The following ITSN1 variants were observed in gnomAD, a reference collection of about 807,000 sequenced individuals.
ITSN1 encodes the protein intersectin-1.
In ITSN1, 58 loss-of-function variants were observed where a neutral mutation model predicts 239.8. That is an observed-to-expected ratio of 0.24 (90% CI 0.20 to 0.30). The LOEUF is 0.30. ITSN1 is among the 10% of genes least tolerant of loss of function. The pLI is 1.00. For missense variants in ITSN1, 1,558 were observed against 2,103.3 expected (o/e 0.74, Z 5.07); for synonymous variants, 780 against 770.8 (o/e 1.01, Z -0.20).
In ITSN1 at chr21:33,894,531, C is replaced by G. The variant is rs539045806; in HGVS notation, c.*6231C>G. Reference sequence around the variant, plus strand: ...AGATAAAGCTGTGTTCAGAAGTGGACTTTTTGGTCAGCCTTGAAAAAAAAA... The same window carrying G: ...AGATAAAGCTGTGTTCAGAAGTGGAGTTTTTGGTCAGCCTTGAAAAAAAAA... On this transcript the variant is annotated 3_prime_UTR_variant, in exon 40 of 40. Coordinates refer to ENST00000381318, the MANE Select transcript of ITSN1 (RefSeq NM_003024.3). 7.7e-4 allele frequency: 117 copies of G among 151,298 alleles called. No homozygotes were observed. Among genetic ancestry groups the G allele is most frequent in the African/African-American group, 2.8e-3 (116 of 41,098 alleles). The allele number at this position is 151,298 out of a possible 1,614,324, so 9.4% of individuals were successfully genotyped here. A position where few individuals can be genotyped will look rare whatever the true frequency, so the allele number is the denominator to read the frequency against.
intron 1 of ITSN1, among the ~76,000 whole-genome samples, chr21:33,648,030 T>A (rs2088137899): frequency 6.6e-6 from 1 of 152,226 alleles, no homozygotes; most frequent in Non-Finnish European, 1.5e-5. Context: ...TTAGAAAGAT[T>A]GTATCATTTT....
At chr21:33,859,155 G>A (rs926603835) in intron 31 of ITSN1, among the ~76,000 whole-genome samples, 1 of 152,186 alleles carries the variant, frequency 6.6e-6, no homozygotes, top group African/African-American at 2.4e-5. Flanking sequence ...GGGATCCCAT[G>A]GGGGATTATT....
chr21:33,820,136 TA>T (rs879562955), intron 24 of ITSN1, among the ~76,000 whole-genome samples: 5,783 of 145,468 alleles, frequency 0.04, 321 homozygotes, highest in African/African-American at 0.13. Context: ...AATTTAGGAC[TA>T]AAAAAAAAAA....
chr21:33,868,388 C>T (rs1982072828), intron 33 of ITSN1, among the ~76,000 whole-genome samples: 1 of 152,238 alleles, frequency 6.6e-6, no homozygotes, highest in African/African-American at 2.4e-5. Context: ...GTCGGGGAGG[C>T]TCGGGCTGCA....
At chr21:33,840,969 G>A (rs181531566) in intron 29 of ITSN1, among the ~76,000 whole-genome samples, 7 of 152,120 alleles carry the variant, frequency 4.6e-5, no homozygotes, top group Non-Finnish European at 7.4e-5. Context: ...TCCTCTGGCC[G>A]GCTGCCTCTC....
chr21:33,772,974 T>C (rs549673551), intron 12 of ITSN1, among the ~76,000 whole-genome samples: 1 of 151,948 alleles, frequency 6.6e-6, no homozygotes, highest in South Asian at 2.1e-4. Context: ...AATAGTATCA[T>C]ACCAATTACA....
At chr21:33,676,488 A>G (rs2090600969) in intron 1 of ITSN1, among the ~76,000 whole-genome samples, 1 of 152,114 alleles carries the variant, frequency 6.6e-6, no homozygotes, top group South Asian at 2.1e-4. Flanking sequence ...TCAGCCTTTC[A>G]AAGCGCTGGG....
Position 33,834,439 on chromosome 21 carries a change from A to G in ITSN1, c.3469+15A>G, listed in dbSNP as rs543932995. Reference sequence around the variant, plus strand: ...ATTAGCGGCAGGTAAGGAGTTTCGCATCTCTAACTGGAAGATGGTCTGCAT... The same window carrying G: ...ATTAGCGGCAGGTAAGGAGTTTCGCGTCTCTAACTGGAAGATGGTCTGCAT... On this transcript the variant is annotated intron_variant, in intron 28 of 39. Transcript: ENST00000381318. 1.7e-5 allele frequency: 26 copies of G among 1,538,620 alleles called. No individual in the cohort carries two copies. The Admixed American group carries it at 4.5e-4, about 27-fold the overall frequency.
chr21:33,723,201 G>A (rs2065605500), intron 4 of ITSN1, among the ~76,000 whole-genome samples: 1 of 152,174 alleles, frequency 6.6e-6, no homozygotes, highest in Middle Eastern at 3.2e-3. Context: ...TTGGCTCATG[G>A]CTTTGGAGAG....
At chr21:33,857,360 C>G (rs1403039188) in intron 30 of ITSN1, among the ~76,000 whole-genome samples, 1 of 152,224 alleles carries the variant, frequency 6.6e-6, no homozygotes, top group Admixed American at 6.5e-5. Flanking sequence ...AAGCCCCTGA[C>G]CTGAGTGATG....
At chr21:33,643,929 G>GA (rs2087691420) in intron 1 of ITSN1, 1 of 152,280 alleles carries the variant, frequency 6.6e-6, no homozygotes, top group Non-Finnish European at 1.5e-5. Flanking sequence ...TGGAACGGAT[G>GA]AAAAGAAAGG....
chr21:33,707,323 A>G (rs1027922146), intron 1 of ITSN1, among the ~76,000 whole-genome samples: 2 of 151,958 alleles, frequency 1.3e-5, no homozygotes, highest in Non-Finnish European at 2.9e-5. Flanking sequence ...GGGGGGTCTC[A>G]CTATGTTGCC....
chr21:33,663,070 G>A lies in ITSN1; in HGVS notation c.-33+20357G>A, dbSNP rs2089679415. ...TTTCATCAGTATAGACACATCTCAG[G>A]CATTAGTCTACCTTGCCTAGAAGGA... On this transcript the variant is annotated intron_variant, in intron 1 of 39. Coordinates refer to ENST00000381318, the MANE Select transcript of ITSN1 (RefSeq NM_003024.3). Among the ~76,000 whole-genome samples the A allele has an allele frequency of 5.3e-5, 8 of 152,248 alleles. No homozygotes were observed. The South Asian group carries it at 1.5e-3, about 28-fold the overall frequency.
chr21:33,819,594 G>A (rs1353924936), intron 24 of ITSN1, among the ~76,000 whole-genome samples: 1 of 152,132 alleles, frequency 6.6e-6, no homozygotes, highest in African/African-American at 2.4e-5. Context: ...ACTAAGAATC[G>A]AGTTTTCCGA....
At chr21:33,868,418 G>T (rs1279425060) in intron 33 of ITSN1, among the ~76,000 whole-genome samples, 1 of 152,186 alleles carries the variant, frequency 6.6e-6, no homozygotes, top group Non-Finnish European at 1.5e-5. Context: ...ACGGAGGCAG[G>T]GGAAGGCTCA....
At chr21:33,829,802 C>A in intron 27 of ITSN1, 57 bp downstream of exon 27, 1 of 1,592,376 alleles carries the variant, frequency 6.3e-7, no homozygotes, top group South Asian at 1.1e-5. Context: ...TACACAAAAT[C>A]TCAAAGGGAC....
At position 33,882,545 on chromosome 21, in the gene ITSN1, CA is replaced by C; in HGVS notation, c.4554+91del. The C allele has an allele frequency of 2.7e-6, 3 of 1,122,670 alleles. No homozygotes were observed. The highest frequency in any genetic ancestry group is 3.9e-6 in the Non-Finnish European group (3 of 778,712). The allele number at this position is 1,122,670 out of a possible 1,614,324, so 69.5% of individuals were successfully genotyped here. On this transcript the variant is annotated intron_variant, in intron 35 of 39. Coordinates refer to ENST00000381318, the MANE Select transcript of ITSN1 (RefSeq NM_003024.3). This position sits in a 1 kb window ranked among gnomAD's most constrained non-coding sequence, Gnocchi z 4.5. ...AAAGGAGGTAGAGTTTTAGCAGGGT[CA>C]GGGGCTGTGGCATGCAGGAGAAGGC...
intron 3 of ITSN1, among the ~76,000 whole-genome samples, chr21:33,722,299 C>T (rs1300901776): frequency 1.3e-5 from 2 of 152,168 alleles, no homozygotes; most frequent in Non-Finnish European, 2.9e-5. Flanking sequence ...TGCTTTTGCA[C>T]AATGGGTAGC....
At chr21:33,747,627 T>C (rs1429519215) in intron 5 of ITSN1, among the ~76,000 whole-genome samples, 2 of 152,224 alleles carry the variant, frequency 1.3e-5, no homozygotes, top group African/African-American at 2.4e-5. Flanking sequence ...AGCATAGATA[T>C]AAATAACAGC....
Sources: gnomAD v4.1 joint callset for allele counts (sites outside exome capture counted in the v4.1 genomes callset) on GRCh38, gnomAD v4.1.1 for gene constraint, Gnocchi (gnomAD v3.1) non-coding constraint, MANE v1.5 for transcripts, NCBI Gene and HGNC (gene_info 2026-07-23, HGNC 2026-07-21) for gene names.